The following ITGA3 variants were observed in gnomAD, a reference collection of about 807,000 sequenced individuals.
ITGA3 encodes integrin alpha-3.
In ITGA3, 70 loss-of-function variants were observed where a neutral mutation model predicts 131.1. The observed-to-expected ratio is 0.53, with a 90% CI of 0.44 to 0.65. The LOEUF is 0.65. ITGA3 is among the 30% of genes least tolerant of loss of function. The probability of loss-of-function intolerance (pLI) is 0.00; values close to 1 mark genes in which losing one functional copy is unlikely to be tolerated. For synonymous variants in ITGA3, 537 were observed against 571.6 expected (o/e 0.94, Z 0.86); for missense variants, 1,098 against 1,388.6 (o/e 0.79, Z 3.33).
chr17:50,057,817 A>G (rs1907901777), intron 1 of ITGA3, among the ~76,000 whole-genome samples: 1 of 152,132 alleles, frequency 6.6e-6, no homozygotes, highest in Non-Finnish European at 1.5e-5. Context: ...TAGAATGTCC[A>G]AAGTCCAAAC....
At chr17:50,075,768 C>T (rs1338825787) in intron 12 of ITGA3, 33 bp downstream of exon 12, 1 of 1,611,478 alleles carries the variant, frequency 6.2e-7, no homozygotes, top group Admixed American at 1.7e-5. Flanking sequence ...GATGAGGGCT[C>T]CCAGGTCCCT....
chr17:50,076,810 T>C (rs1908929205), intron 14 of ITGA3, 129 bp downstream of exon 14: 1 of 1,168,816 alleles, frequency 8.6e-7, no homozygotes, highest in Non-Finnish European at 1.3e-6. Context: ...ACAGGTGGGA[T>C]GGTCAGAAAC....
At chr17:50,086,465 G>C (rs925330774) in intron 23 of ITGA3, 1 of 150,864 alleles carries the variant, frequency 6.6e-6, no homozygotes, top group South Asian at 2.1e-4. Context: ...AAGGCAGGTG[G>C]ATCACCTGAG....
intron 20 of ITGA3, 80 bp downstream of exon 20, chr17:50,079,338 C>A (rs1348589934): frequency 1.3e-6 from 2 of 1,563,514 alleles, no homozygotes; most frequent in African/African-American, 1.4e-5. Flanking sequence ...CCCCTCATAC[C>A]CCTTTGGCAA....
At chr17:50,076,522 C>T (rs772095717) in intron 13 of ITGA3, 47 bp downstream of exon 13, 2 of 1,445,660 alleles carry the variant, frequency 1.4e-6, no homozygotes, top group Non-Finnish European at 1.9e-6. Flanking sequence ...GCCAGAAGGG[C>T]GGTGGGGCGA....
intron 22 of ITGA3, 26 bp downstream of exon 22, chr17:50,080,401 T>G: frequency 7.0e-7 from 1 of 1,422,704 alleles, no homozygotes; most frequent in Non-Finnish European, 9.9e-7. Context: ...TGAAGGTCTC[T>G]CCTACCATCC....
intron 7 of ITGA3, among the ~76,000 whole-genome samples, chr17:50,073,618 ACACACACACACACACG>A (rs2144286494): frequency 7.3e-6 from 1 of 137,404 alleles, no homozygotes; most frequent in African/African-American, 2.8e-5. Flanking sequence ...ACACACACAC[ACACACACACACACACG>A]CACACACGCA....
At position 50,074,515 on chromosome 17, in the gene ITGA3, C is replaced by T. The variant is rs1307875890; in HGVS notation, c.1450C>T (p.Leu484Phe). The change falls in exon 10 of 26, where the codon CTT (leucine) becomes TTT (phenylalanine). Residue 484 changes from leucine to phenylalanine, a missense_variant. Coordinates refer to ENST00000320031, the MANE Select transcript of ITGA3 (RefSeq NM_002204.4). ...CAGGCCAGCTGTGCTGGACCCTGCACTTTGCACGGCCACCTCTTGGTGAGA... is the reference window on the plus strand; with the variant it reads ...CAGGCCAGCTGTGCTGGACCCTGCATTTTGCACGGCCACCTCTTGGTGAGA... ...VPRPAVLDPA[L>F]CTATSCVQVE... 4 of 1,613,300 alleles carry T rather than the reference C, an allele frequency of 2.5e-6. No individual in the cohort carries two copies. The highest frequency in any genetic ancestry group is 1.7e-6 in the Non-Finnish European group (2 of 1,179,314).
At chr17:50,074,068 T>A (rs1350896617) in intron 8 of ITGA3, 64 bp downstream of exon 8, 1 of 1,555,122 alleles carries the variant, frequency 6.4e-7, no homozygotes, top group Non-Finnish European at 8.9e-7. Flanking sequence ...CTTGCTTTCC[T>A]TCACCCAACC....
At chr17:50,077,527 G>C (rs1028577530) in intron 16 of ITGA3, 80 bp downstream of exon 16, 6 of 1,122,080 alleles carry the variant, frequency 5.3e-6, no homozygotes, top group Non-Finnish European at 8.1e-6. Context: ...TCCAGCCTCT[G>C]CCTGCCTGCT....
intron 16 of ITGA3, 143 bp downstream of exon 16, chr17:50,077,590 G>T: frequency 4.4e-6 from 3 of 682,408 alleles, no homozygotes; most frequent in Non-Finnish European, 7.7e-6. Context: ...AGACTCAGTA[G>T]AGGGTGAGAA....
chr17:50,079,324 C>G, intron 20 of ITGA3, 66 bp downstream of exon 20: 2 of 1,570,796 alleles, frequency 1.3e-6, no homozygotes, highest in Non-Finnish European at 1.7e-6. Flanking sequence ...GTCTTCCCCT[C>G]CCTCCCCTCA....
chr17:50,076,552 G>T, intron 13 of ITGA3, 32 bp from the exon 14 acceptor site: 1 of 1,609,062 alleles, frequency 6.2e-7, no homozygotes, highest in Non-Finnish European at 8.5e-7. Flanking sequence ...GGGGGGGGTG[G>T]TGCGGCCTTC....
At chr17:50,067,985 C>T (rs1908413400) in intron 3 of ITGA3, 71 bp from the exon 4 acceptor site, 2 of 1,587,268 alleles carry the variant, frequency 1.3e-6, no homozygotes, top group Non-Finnish European at 1.7e-6. Flanking sequence ...CAGAGGCTTA[C>T]AGGGTAAAAG....
intron 25 of ITGA3, 112 bp downstream of exon 25, chr17:50,088,478 C>T (rs917202165): frequency 1.6e-6 from 1 of 607,442 alleles, no homozygotes; most frequent in African/African-American, 1.9e-5. Context: ...ATTCTGTCCC[C>T]ACCACCACCC....
Position 50,068,318 on chromosome 17 carries a change from G to A in ITGA3, c.664+13G>A. On this transcript the variant is annotated intron_variant, in intron 4 of 25. Transcript: ENST00000320031. ...TACAACTGGAAAGGTGGGGACCATGGGGCCATGGGGGAAGAAAGGAAGAGC... is the reference window on the plus strand; with the variant it reads ...TACAACTGGAAAGGTGGGGACCATGAGGCCATGGGGGAAGAAAGGAAGAGC... 6.2e-7 allele frequency: 1 copy of A among 1,610,630 alleles called. No homozygotes were observed. The highest frequency in any genetic ancestry group is 8.5e-7 in the Non-Finnish European group (1 of 1,178,994).
At position 50,079,452 on chromosome 17, in the gene ITGA3, A is replaced by T. The variant is rs762822351; in HGVS notation, c.2601A>T (p.Pro867=). 1.1e-5 allele frequency: 17 copies of T among 1,572,322 alleles called. No individual in the cohort carries two copies. The highest frequency in any genetic ancestry group is 1.9e-5 in the Admixed American group (1 of 53,176). Residue 867 remains proline, a synonymous_variant, in exon 21 of 26, where the codon CCA becomes CCT. Transcript: ENST00000320031. Reference sequence around the variant, plus strand: ...CTCTCCAGGACCCTGGGGACAGGCCATCATCCCCACAGCGCAGGCGGCGAC... The same window carrying T: ...CTCTCCAGGACCCTGGGGACAGGCCTTCATCCCCACAGCGCAGGCGGCGAC... The part of the protein sequence containing the change: ...NLTLSDPGDR[P]SSPQRRRRQL...
chr17:50,072,244 A>G, intron 7 of ITGA3, 62 bp downstream of exon 7: 1 of 1,440,488 alleles, frequency 6.9e-7, no homozygotes, highest in Non-Finnish European at 9.6e-7. Flanking sequence ...CAGCACCCCT[A>G]CTGACTGAGC....
In ITGA3 at chr17:50,072,068, C is replaced by G. The variant is rs773739927; in HGVS notation, c.1042C>G (p.Gln348Glu). ...VGGAIYVFMN[Q>E]AGTSFPAHPS... Reference sequence around the variant, plus strand: ...GGGTGCCATCTATGTCTTCATGAACCAGGCGGGAACCTCCTTCCCTGCTCA... The same window carrying G: ...GGGTGCCATCTATGTCTTCATGAACGAGGCGGGAACCTCCTTCCCTGCTCA... The change falls in exon 7 of 26, where the codon CAG becomes GAG. Residue 348 changes from glutamine (Q) to glutamate (E), a missense_variant. Physicochemically the swap from Gln to Glu is conservative, Grantham distance 29. This residue lies in a region of ITGA3 where 356 missense variants were observed against 529.2 expected (regional missense o/e 0.67). Transcript: ENST00000320031. 1.2e-6 allele frequency: 2 copies of G among 1,614,092 alleles called. No homozygotes were observed. Among genetic ancestry groups the G allele is most frequent in the South Asian group, 2.2e-5 (2 of 91,090 alleles).
Sources: allele counts gnomAD v4.1 joint callset (sites outside exome capture counted in the v4.1 genomes callset), GRCh38; gene constraint gnomAD v4.1.1; regional missense constraint gnomAD v4.1.1; transcripts MANE v1.5; gene names NCBI Gene and HGNC (gene_info 2026-07-23, HGNC 2026-07-21).